The following PACS1 variants were observed in gnomAD, a reference collection of about 807,000 sequenced individuals.
PACS1 encodes phosphofurin acidic cluster sorting protein 1.
Under a neutral mutation model 115.0 loss-of-function variants are expected in PACS1, and 24 were observed. The ratio of observed to expected loss-of-function variants is 0.21; its 90% CI spans 0.15 to 0.29. PACS1 has a LOEUF of 0.29. Among genes scored for constraint, PACS1 ranks in the 10% least tolerant of loss-of-function variants. PACS1 has a pLI of 1.00. For missense variants in PACS1, 838 were observed against 1,251.2 expected, an observed-to-expected ratio of 0.67 and a Z score of 4.98; for synonymous variants, 453 against 504.5, an observed-to-expected ratio of 0.90 and a Z score of 1.37.
chr11:66,160,254 T>C (rs1010747518), intron 1 of PACS1, among the ~76,000 whole-genome samples: 11 of 152,206 alleles, frequency 7.2e-5, no homozygotes, highest in African/African-American at 2.4e-4. Flanking sequence ...TGACACCTAC[T>C]AGCTGCGTGA....
intron 2 of PACS1, among the ~76,000 whole-genome samples, chr11:66,195,718 C>T (rs932914902): frequency 7.9e-5 from 12 of 152,102 alleles, no homozygotes; most frequent in African/African-American, 2.9e-4. Context: ...CTTATTTATG[C>T]ATTCATATAA....
At chr11:66,117,425 A>T (rs994967420) in intron 1 of PACS1, among the ~76,000 whole-genome samples, 25 of 148,572 alleles carry the variant, frequency 1.7e-4, no homozygotes, top group East Asian at 9.9e-4. Context: ...GCACCACTGC[A>T]CTCTAGACTG....
intron 1 of PACS1, among the ~76,000 whole-genome samples, chr11:66,150,512 A>G (rs776590588): frequency 2.6e-5 from 4 of 152,048 alleles, no homozygotes; most frequent in African/African-American, 4.8e-5. Flanking sequence ...TACCTTTGCT[A>G]TATGACTTTA....
At chr11:66,172,213 T>A (rs1183704133) in intron 1 of PACS1, among the ~76,000 whole-genome samples, 2 of 152,216 alleles carry the variant, frequency 1.3e-5, no homozygotes, top group Non-Finnish European at 2.9e-5. Flanking sequence ...TCCTTACTTT[T>A]ACGGTATATC....
intron 1 of PACS1, among the ~76,000 whole-genome samples, chr11:66,182,618 A>G (rs1049075610): frequency 6.6e-6 from 1 of 152,098 alleles, no homozygotes; most frequent in Admixed American, 6.5e-5. Flanking sequence ...ATGTAGGCAC[A>G]TGGGCGCGTG....
chr11:66,139,961 G>A (rs545351353), intron 1 of PACS1, among the ~76,000 whole-genome samples: 1 of 152,260 alleles, frequency 6.6e-6, no homozygotes, highest in East Asian at 1.9e-4. Context: ...TGCAAATATT[G>A]ACAGTAGTTA....
chr11:66,114,237 T>C (rs1441281669), intron 1 of PACS1, among the ~76,000 whole-genome samples: 1 of 151,802 alleles, frequency 6.6e-6, no homozygotes, highest in East Asian at 1.9e-4. Context: ...GCTAACACGG[T>C]GAAACCCCGT....
intron 1 of PACS1, among the ~76,000 whole-genome samples, chr11:66,090,740 T>C (rs1041057808): frequency 6.6e-6 from 1 of 152,180 alleles, no homozygotes; most frequent in African/African-American, 2.4e-5. Flanking sequence ...AGGAGAAAGA[T>C]AGAATCACTA....
At chr11:66,144,587 A>G (rs1859076040) in intron 1 of PACS1, among the ~76,000 whole-genome samples, 1 of 152,236 alleles carries the variant, frequency 6.6e-6, no homozygotes, top group African/African-American at 2.4e-5. Flanking sequence ...AGACCTAGAA[A>G]TGCATGGTAT....
chr11:66,156,236 A>AGTT (rs1345055684), intron 1 of PACS1, among the ~76,000 whole-genome samples: 2 of 71,616 alleles, frequency 2.8e-5, no homozygotes, highest in African/African-American at 1.1e-4. Context: ...ATATATATAT[A>AGTT]TATATATATA....
Position 66,216,528 on chromosome 11 carries a change from C to G in PACS1, c.814C>G (p.Pro272Ala). 1 of 1,613,742 alleles carries G rather than the reference C, an allele frequency of 6.2e-7. No individual in the cohort carries two copies. Reference sequence around the variant, plus strand: ...TCAGGTGTCTGTTGCAGATCGTTCTCCTGATATTGACAATTATTCTGAGGA... The same window carrying G: ...TCAGGTGTCTGTTGCAGATCGTTCTGCTGATATTGACAATTATTCTGAGGA... ...GIKSKLSDRS[P>A]DIDNYSEEEE... The change falls in exon 6 of 24, where the codon CCT becomes GCT. Residue 272 changes from proline (P) to alanine (A), a missense_variant. Transcript: ENST00000320580.
intron 1 of PACS1, among the ~76,000 whole-genome samples, chr11:66,105,178 C>G (rs895436779): frequency 1.3e-5 from 2 of 152,116 alleles, no homozygotes; most frequent in Non-Finnish European, 2.9e-5. Flanking sequence ...AATCCCAACA[C>G]TTTGGGAGGC....
At chr11:66,230,696 G>A (rs1290044882) in intron 12 of PACS1, 33 bp downstream of exon 12, 3 of 1,608,092 alleles carry the variant, frequency 1.9e-6, no homozygotes, top group East Asian at 4.5e-5. Context: ...AGGGGGTACA[G>A]CCTGCAGCTG....
intron 2 of PACS1, among the ~76,000 whole-genome samples, chr11:66,198,731 T>C (rs1854704203): frequency 6.6e-6 from 1 of 152,198 alleles, no homozygotes; most frequent in Admixed American, 6.5e-5. Flanking sequence ...TTGTACACTT[T>C]AAATGGGTGA....
chr11:66,082,270 G>A (rs948234904), intron 1 of PACS1, among the ~76,000 whole-genome samples: 1 of 152,114 alleles, frequency 6.6e-6, no homozygotes, highest in Non-Finnish European at 1.5e-5. Flanking sequence ...TGTCCCACAG[G>A]CTGGAGTGCA....
At chr11:66,142,594 C>T (rs1357137215) in intron 1 of PACS1, among the ~76,000 whole-genome samples, 4 of 146,520 alleles carry the variant, frequency 2.7e-5, no homozygotes, top group African/African-American at 1.0e-4. Context: ...AGGCGTGAGG[C>T]ACTGCGTCTG....
At chr11:66,156,864 A>G (rs1859374824) in intron 1 of PACS1, among the ~76,000 whole-genome samples, 1 of 152,088 alleles carries the variant, frequency 6.6e-6, no homozygotes, top group Admixed American at 6.5e-5. Context: ...AAAAAAAAAA[A>G]AAAATCTTTC....
chr11:66,201,237 A>G (rs1397013387), intron 2 of PACS1, among the ~76,000 whole-genome samples: 1 of 152,092 alleles, frequency 6.6e-6, no homozygotes, highest in East Asian at 1.9e-4. Flanking sequence ...AAAAAGTTGA[A>G]ATAATATCAG....
At chr11:66,129,446 G>C (rs1565117652) in intron 1 of PACS1, among the ~76,000 whole-genome samples, 1 of 136,422 alleles carries the variant, frequency 7.3e-6, no homozygotes, top group African/African-American at 2.8e-5. Context: ...AAAAAAAAGG[G>C]TTTAAAAAAT....
Sources: gnomAD v4.1 joint callset for allele counts (sites outside exome capture counted in the v4.1 genomes callset) on GRCh38, gnomAD v4.1.1 for gene constraint, MANE v1.5 for transcripts, NCBI Gene and HGNC (gene_info 2026-07-23, HGNC 2026-07-21) for gene names.